UNC5D: variants seen among roughly 807,000 people sequenced by gnomAD.
UNC5D encodes unc-5 netrin receptor D.
UNC5D carries 39 observed loss-of-function variants against 105.4 expected under a neutral mutation model. The ratio of observed to expected loss-of-function variants is 0.37; its 90% confidence interval spans 0.29 to 0.48. UNC5D has a LOEUF of 0.48. UNC5D is among the 20% of genes least tolerant of loss of function. The pLI is 0.98. For missense variants in UNC5D, 991 were observed against 1,202.4 expected, an observed-to-expected ratio of 0.82 and a Z score of 2.60; for synonymous variants, 452 against 450.4, an observed-to-expected ratio of 1.00 and a Z score of -0.04.
At chr8:35,687,441 C>CAAAAA (rs34104800) in intron 7 of UNC5D, among the ~76,000 whole-genome samples, 4 of 53,072 alleles carry the variant, frequency 7.5e-5, no homozygotes, top group African/African-American at 2.0e-4. Flanking sequence ...GACTCCGTCT[C>CAAAAA]AAAAAAAAAA....
rs566409048 is a variant in UNC5D at position 35,343,849 on chromosome 8, G to A, written c.103+107962G>A. Reference sequence around the variant, plus strand: ...TGCTGTTTTGAACATAAATGAATTTGTTTTAAAATTCTATTTAAGGACTGC... The same window carrying A: ...TGCTGTTTTGAACATAAATGAATTTATTTTAAAATTCTATTTAAGGACTGC... On this transcript the variant is annotated intron_variant, in intron 1 of 16. Transcript: ENST00000404895. Among the ~76,000 whole-genome samples, 4 of 152,196 alleles carry A rather than the reference G, an allele frequency of 2.6e-5. No homozygotes were observed. The East Asian group carries it at 7.8e-4, about 29-fold the overall frequency.
At chr8:35,716,763 A>G (rs901141251) in intron 8 of UNC5D, among the ~76,000 whole-genome samples, 13 of 152,240 alleles carry the variant, frequency 8.5e-5, no homozygotes, top group Non-Finnish European at 1.6e-4. Flanking sequence ...AAAGACTGCA[A>G]ATATAATTGA....
At chr8:35,376,370 G>A (rs1285463585) in intron 1 of UNC5D, among the ~76,000 whole-genome samples, 1 of 152,102 alleles carries the variant, frequency 6.6e-6, no homozygotes, top group Non-Finnish European at 1.5e-5. Flanking sequence ...GATGTATTTG[G>A]TGAAGAACGA....
At chr8:35,756,462 A>C (rs1469438764) in intron 13 of UNC5D, among the ~76,000 whole-genome samples, 2 of 151,906 alleles carry the variant, frequency 1.3e-5, no homozygotes, top group African/African-American at 4.8e-5. Context: ...ATATAGATTG[A>C]CTTATGTCAT....
intron 1 of UNC5D, among the ~76,000 whole-genome samples, chr8:35,498,554 A>G (rs1489307098): frequency 6.6e-6 from 1 of 152,160 alleles, no homozygotes; most frequent in African/African-American, 2.4e-5. Context: ...ACTTGGAGGA[A>G]CAGGAAACTG....
At chr8:35,517,250 C>A (rs1813157714) in intron 1 of UNC5D, among the ~76,000 whole-genome samples, 1 of 152,096 alleles carries the variant, frequency 6.6e-6, no homozygotes, top group South Asian at 2.1e-4. Flanking sequence ...TAGAGAGTAC[C>A]TAGACTGTCA....
chr8:35,239,260 G>T (rs904357745), intron 1 of UNC5D, among the ~76,000 whole-genome samples: 4 of 152,186 alleles, frequency 2.6e-5, no homozygotes, highest in African/African-American at 9.7e-5. Context: ...ATTTGGAGCT[G>T]TGGATCCTTT....
intron 1 of UNC5D, among the ~76,000 whole-genome samples, chr8:35,534,171 G>A (rs530281502): frequency 3.3e-5 from 5 of 152,120 alleles, no homozygotes; most frequent in African/African-American, 7.2e-5. Flanking sequence ...GTTTTTTATC[G>A]CTGGAATTGT....
chr8:35,764,363 G>A (rs903303772), intron 14 of UNC5D, among the ~76,000 whole-genome samples: 12 of 152,260 alleles, frequency 7.9e-5, no homozygotes, highest in Middle Eastern at 3.4e-3. Flanking sequence ...GCACGTGTGA[G>A]CAGATGGGAT....
chr8:35,315,777 T>C (rs1441951869), intron 1 of UNC5D, among the ~76,000 whole-genome samples: 1 of 152,216 alleles, frequency 6.6e-6, no homozygotes, highest in Non-Finnish European at 1.5e-5. Context: ...TTGTTCAAAG[T>C]CACATAGCCA....
intron 14 of UNC5D, 28 bp from the exon 15 acceptor site, chr8:35,766,874 C>A: frequency 1.3e-6 from 2 of 1,597,004 alleles, no homozygotes; most frequent in Non-Finnish European, 8.5e-7. Context: ...GCTCTGCACA[C>A]CATCCCTTCT....
intron 4 of UNC5D, among the ~76,000 whole-genome samples, chr8:35,640,956 T>C (rs983631524): frequency 1.3e-5 from 2 of 152,112 alleles, no homozygotes; most frequent in Non-Finnish European, 2.9e-5. Flanking sequence ...AATAGTTCTC[T>C]GAAATGTAAC....
At chr8:35,542,197 T>C (rs1815325832) in intron 1 of UNC5D, among the ~76,000 whole-genome samples, 1 of 152,170 alleles carries the variant, frequency 6.6e-6, no homozygotes, top group South Asian at 2.1e-4. Flanking sequence ...AGTCTGTGTT[T>C]CATAAATTGC....
Position 35,796,155 on chromosome 8 carries a change from T to G in UNC5D, c.*5592T>G, listed in dbSNP as rs1300912430. On this transcript the variant is annotated 3_prime_UTR_variant, in exon 17 of 17. Coordinates refer to ENST00000404895, the MANE Select transcript of UNC5D (RefSeq NM_080872.4). ...GCAGGGCTGAACACTTAATTTGACATGAAGCTGAAGGACTGAGCAAGCCAG... is the reference window on the plus strand; with the variant it reads ...GCAGGGCTGAACACTTAATTTGACAGGAAGCTGAAGGACTGAGCAAGCCAG... The G allele has an allele frequency of 6.6e-6, 1 of 152,094 alleles. No homozygotes were observed. The highest frequency in any genetic ancestry group is 1.5e-5 in the Non-Finnish European group (1 of 68,020). 9.4% of individuals were successfully genotyped at this position (152,094 alleles called of 1,614,324 possible).
At chr8:35,350,415 A>C (rs144929882) in intron 1 of UNC5D, among the ~76,000 whole-genome samples, 2,162 of 152,140 alleles carry the variant, frequency 0.014, 147 homozygotes, top group Admixed American at 0.12. Context: ...ATTCATGTTG[A>C]TGTCTTAAGT....
At chr8:35,685,352 G>T (rs931180269) in intron 6 of UNC5D, among the ~76,000 whole-genome samples, 2 of 151,914 alleles carry the variant, frequency 1.3e-5, no homozygotes, top group African/African-American at 2.4e-5. Context: ...TCTCTTACTG[G>T]CTGTAACCCA....
chr8:35,753,141 A>C (rs1830361515), intron 13 of UNC5D, among the ~76,000 whole-genome samples: 1 of 152,170 alleles, frequency 6.6e-6, no homozygotes, highest in Non-Finnish European at 1.5e-5. Context: ...TCATGAAAAC[A>C]CCATAACCAT....
intron 1 of UNC5D, among the ~76,000 whole-genome samples, chr8:35,286,256 C>T (rs1329999014): frequency 1.3e-5 from 2 of 152,154 alleles, no homozygotes; most frequent in Non-Finnish European, 2.9e-5. Context: ...TTTAACTTTA[C>T]TCACCTCACA....
At chr8:35,540,699 A>G (rs1219840030) in intron 1 of UNC5D, among the ~76,000 whole-genome samples, 1 of 152,220 alleles carries the variant, frequency 6.6e-6, no homozygotes, top group Admixed American at 6.5e-5. Flanking sequence ...TGTATCTGCC[A>G]TCATAACTGG....
Sources: gnomAD v4.1 joint callset for allele counts (sites outside exome capture counted in the v4.1 genomes callset) on GRCh38, gnomAD v4.1.1 for gene constraint, MANE v1.5 for transcripts, NCBI Gene and HGNC (gene_info 2026-07-23, HGNC 2026-07-21) for gene names.